The following TRIM37 variants were observed in gnomAD, a reference collection of about 807,000 sequenced individuals.
The protein encoded by TRIM37 is E3 ubiquitin-protein ligase TRIM37.
A neutral mutation model predicts 129.8 loss-of-function variants in TRIM37; 80 were observed. That is an observed-to-expected ratio of 0.62 (90% CI 0.51 to 0.74). TRIM37 has a LOEUF of 0.74. Ranked by LOEUF, TRIM37 falls within the 30% of genes least tolerant of loss-of-function variation. The probability of loss-of-function intolerance (pLI) is 0.00; values close to 1 mark genes in which losing one functional copy is unlikely to be tolerated. For missense variants in TRIM37, 1,054 were observed against 1,176.5 expected, an observed-to-expected ratio of 0.90 and a Z score of 1.52; for synonymous variants, 389 against 387.1, an observed-to-expected ratio of 1.00 and a Z score of -0.06.
At chr17:59,090,417 T>C (rs1465987989) in intron 3 of TRIM37, among the ~76,000 whole-genome samples, 1 of 152,012 alleles carries the variant, frequency 6.6e-6, no homozygotes, top group Non-Finnish European at 1.5e-5. Flanking sequence ...ATAGGCACAA[T>C]CATACTGGAT....
At chr17:59,047,562 T>G (rs2039944553) in intron 16 of TRIM37, 121 bp downstream of exon 16, 5 of 1,000,494 alleles carry the variant, frequency 5.0e-6, no homozygotes, top group African/African-American at 4.9e-5. Flanking sequence ...GAGAGAAAAC[T>G]GACTATTGAT....
intron 23 of TRIM37, among the ~76,000 whole-genome samples, chr17:59,000,723 A>G (rs1013646016): frequency 2.6e-5 from 4 of 152,310 alleles, no homozygotes; most frequent in South Asian, 4.1e-4. Flanking sequence ...AATAAAAATT[A>G]TTTCATAATC....
downstream of TRIM37, among the ~76,000 whole-genome samples, chr17:58,996,027 A>G (rs2032955543): frequency 2.0e-5 from 3 of 152,120 alleles, no homozygotes; most frequent in South Asian, 6.2e-4. Context: ...ATAATAATTA[A>G]TAGAAACAAG....
chr17:59,017,423 G>A lies in TRIM37; in HGVS notation c.2259C>T (p.Ser753=). The A allele has an allele frequency of 6.2e-7, 1 of 1,613,826 alleles. No individual in the cohort carries two copies. Among genetic ancestry groups the A allele is most frequent in the Non-Finnish European group, 8.5e-7 (1 of 1,179,872 alleles). Residue 753 remains serine, a splice_region_variant and synonymous_variant, in exon 20 of 24, where the codon TCC becomes TCT. Coordinates refer to ENST00000262294, the MANE Select transcript of TRIM37 (RefSeq NM_015294.6). ...TGGGCGAATTACTCTTCTTATTTGT[G>A]GCTGCAAAGACATTTAAGAACACCT... ...SSVANCYIRN[S]TNKKSNSPKP... is the part of the protein sequence containing the mutation.
intron 9 of TRIM37, among the ~76,000 whole-genome samples, chr17:59,065,030 G>A (rs934752257): frequency 1.3e-5 from 2 of 152,070 alleles, no homozygotes; most frequent in African/African-American, 4.8e-5. Context: ...CAGCGAGGGC[G>A]ACAGAGCCAG....
chr17:58,992,287 TTATA>T lies in TRIM37; in HGVS notation c.2891+7090_2891+7093del, dbSNP rs1400693751. On this transcript the variant is annotated intron_variant, in intron 24 of 24. Transcript: ENST00000393066. ...AATATAAATATATATATATTTATAT[TTATA>T]TATATTTATATATATATAAATACAT... is the stretch of plus-strand genomic sequence containing the variant. Among the ~76,000 whole-genome samples, 4 of 135,210 alleles carry T rather than the reference TTATA, an allele frequency of 3.0e-5. No individual in the cohort carries two copies. In the Admixed American group the frequency reaches 3.1e-4, roughly 11 times the overall value. 88.7% of individuals were successfully genotyped at this position (135,210 alleles called of 152,430 possible).
At chr17:59,103,790 G>A (rs563585553) in intron 2 of TRIM37, among the ~76,000 whole-genome samples, 45 of 151,464 alleles carry the variant, frequency 3.0e-4, no homozygotes, top group Admixed American at 1.6e-3. Context: ...CTGGGACACA[G>A]GTACATGCCA....
chr17:59,050,661 G>C (rs1358936616), intron 14 of TRIM37, among the ~76,000 whole-genome samples: 1 of 151,674 alleles, frequency 6.6e-6, no homozygotes, highest in Admixed American at 6.6e-5. Flanking sequence ...GAGTGAGTCC[G>C]ACCTGTCTCC....
At chr17:59,064,193 T>C in intron 10 of TRIM37, 162 bp downstream of exon 10, 1 of 645,046 alleles carries the variant, frequency 1.6e-6, no homozygotes, top group Non-Finnish European at 2.7e-6. Flanking sequence ...TACAATATAA[T>C]CCAGCACAAA....
At position 59,049,174 on chromosome 17, in the gene TRIM37, T is replaced by C; in HGVS notation, c.1530+4A>G. 1 of 1,613,196 alleles carries C rather than the reference T, an allele frequency of 6.2e-7. No homozygotes were observed. The highest frequency in any genetic ancestry group is 8.5e-7 in the Non-Finnish European group (1 of 1,179,154). ...CAAAAATCTAAAACTGGCCTCATTA[T>C]TACATGATAATCTTCATTCTGAATC... On this transcript the variant is annotated splice_donor_region_variant and intron_variant, in intron 15 of 23. Transcript: ENST00000262294.
intron 1 of TRIM37, 148 bp downstream of exon 1, chr17:59,106,293 A>G: frequency 1.1e-6 from 1 of 900,722 alleles, no homozygotes; most frequent in East Asian, 2.6e-5. Context: ...TGGGCACGGC[A>G]TCCTTGGTAC....
chr17:59,060,890 T>C lies in TRIM37; in HGVS notation c.1019+142A>G, dbSNP rs2041427943. The C allele has an allele frequency of 4.9e-5, 31 of 638,826 alleles. 1 individual carries two copies. The South Asian group carries it at 5.9e-4, about 12-fold the overall frequency. 39.6% of individuals were successfully genotyped at this position (638,826 alleles called of 1,614,324 possible). ...ATATTTTGTTTTTAGAAAAATACCATCCTATGATGCCAAGAACATATTATT... is the reference window on the plus strand; with the variant it reads ...ATATTTTGTTTTTAGAAAAATACCACCCTATGATGCCAAGAACATATTATT... On this transcript the variant is annotated intron_variant, in intron 12 of 23. Coordinates refer to ENST00000262294, the MANE Select transcript of TRIM37 (RefSeq NM_015294.6).
intron 2 of TRIM37, among the ~76,000 whole-genome samples, chr17:59,101,677 A>AAT (rs1555701174): frequency 0.025 from 2,527 of 100,820 alleles, 54 homozygotes; most frequent in African/African-American, 0.05. Flanking sequence ...AAAAAAAAAA[A>AAT]ATATATATAT....
chr17:58,996,851 TCAA>T (rs1181456302), downstream of TRIM37, among the ~76,000 whole-genome samples: 5 of 151,690 alleles, frequency 3.3e-5, no homozygotes, highest in East Asian at 9.7e-4. Context: ...TATTTATATA[TCAA>T]CATCATATCC....
the TRIM37 span, among the ~76,000 whole-genome samples, chr17:58,974,656 T>A: frequency 6.6e-6 from 1 of 152,134 alleles, no homozygotes; most frequent in Non-Finnish European, 1.5e-5. Flanking sequence ...TATACTGCAG[T>A]TTTTAATCTC....
At chr17:58,971,928 C>G in the TRIM37 span, among the ~76,000 whole-genome samples, 217 of 152,318 alleles carry the variant, frequency 1.4e-3, no homozygotes, top group African/African-American at 5.1e-3. Flanking sequence ...TATCACAGAT[C>G]AGGTGGACTT....
downstream of TRIM37, among the ~76,000 whole-genome samples, chr17:58,995,488 C>A (rs2032899860): frequency 6.7e-6 from 1 of 149,670 alleles, no homozygotes; most frequent in Non-Finnish European, 1.5e-5. Context: ...AAAATTAGAA[C>A]AAGCCAAGCT....
intron 19 of TRIM37, among the ~76,000 whole-genome samples, chr17:59,018,687 C>T (rs1320901922): frequency 6.7e-6 from 1 of 149,958 alleles, no homozygotes; most frequent in Non-Finnish European, 1.5e-5. Flanking sequence ...ATTGATCTAC[C>T]GATTCAACAC....
chr17:59,032,692 T>C (rs2038022441), intron 17 of TRIM37, among the ~76,000 whole-genome samples: 1 of 152,006 alleles, frequency 6.6e-6, no homozygotes, highest in Non-Finnish European at 1.5e-5. Context: ...ATGTGCACAA[T>C]TGGGGGGATG....
Sources: allele counts gnomAD v4.1 joint callset (sites outside exome capture counted in the v4.1 genomes callset), GRCh38; gene constraint gnomAD v4.1.1; transcripts MANE v1.5; gene names NCBI Gene and HGNC (gene_info 2026-07-23, HGNC 2026-07-21).